Variants in ARL3 observed in about 807,000 individuals in gnomAD.
ARL3 encodes ARF like GTPase 3.
Under a neutral mutation model 26.0 loss-of-function variants are expected in ARL3, and 9 were observed. That is an observed-to-expected ratio of 0.35 (90% CI 0.21 to 0.60). The LOEUF (loss-of-function observed/expected upper bound fraction) is 0.60. Ranked by LOEUF, ARL3 falls within the 20% of genes least tolerant of loss-of-function variation. ARL3 has a pLI of 0.78. For synonymous variants in ARL3, 71 were observed against 78.4 expected, an observed-to-expected ratio of 0.91 and a Z score of 0.50; for missense variants, 158 against 215.7, an observed-to-expected ratio of 0.73 and a Z score of 1.67.
Position 102,676,873 on chromosome 10 carries a change from G to A in ARL3, c.*21C>T, listed in dbSNP as rs765711720. ...ACCGAATTCGGCTCCCGCAGCTCCT[G>A]CATCTCCATTCGTCTAGATTTTATT... is the stretch of plus-strand genomic sequence containing the variant. On this transcript the variant is annotated 3_prime_UTR_variant, in exon 6 of 6. Transcript: ENST00000260746. The A allele has an allele frequency of 6.2e-7, 1 of 1,613,356 alleles. No individual in the cohort carries two copies. Among genetic ancestry groups the A allele is most frequent in the East Asian group, 2.2e-5 (1 of 44,876 alleles).
intron 2 of ARL3, among the ~76,000 whole-genome samples, chr10:102,703,349 T>A (rs1465962469): frequency 2.7e-5 from 4 of 150,192 alleles, no homozygotes; most frequent in Non-Finnish European, 5.9e-5. Context: ...CTCCATGTCC[T>A]GACCTCATGA....
rs71019606 is a variant in ARL3, at chr10:102,714,289, C to CCCTCCT, written c.-20_-15dup. The CCCTCCT allele has an allele frequency of 1.8e-5, 23 of 1,309,166 alleles. No individual in the cohort carries two copies. The highest frequency in any genetic ancestry group is 2.1e-5 in the Non-Finnish European group (21 of 1,020,060). The allele number at this position is 1,309,166 out of a possible 1,614,324, so 81.1% of individuals were successfully genotyped here. A position where few individuals can be genotyped will look rare whatever the true frequency, so the allele number is the denominator to read the frequency against. The stretch of plus-strand genomic sequence containing the variant: ...CACACTCACCATCCTCCCGCCGAGT[C>CCCTCCT]CCTCCTCCTCCTCCTCCTCCTGCTG... On this transcript the variant is annotated 5_prime_UTR_variant, in exon 1 of 6. Coordinates refer to ENST00000260746, the MANE Select transcript of ARL3 (RefSeq NM_004311.4).
At chr10:102,699,556 T>G in intron 2 of ARL3, 67 bp from the exon 3 acceptor site, 7 of 847,722 alleles carry the variant, frequency 8.3e-6, no homozygotes, top group Non-Finnish European at 1.3e-5. Context: ...AAAGTTACAT[T>G]TAATAGCTAT....
At chr10:102,707,166 C>T (rs963758513) in intron 1 of ARL3, among the ~76,000 whole-genome samples, 1 of 151,896 alleles carries the variant, frequency 6.6e-6, no homozygotes, top group Non-Finnish European at 1.5e-5. Flanking sequence ...GGCATGGTGG[C>T]GCAGGCCTGT....
At chr10:102,686,571 T>A (rs2064188072) in intron 4 of ARL3, among the ~76,000 whole-genome samples, 1 of 150,568 alleles carries the variant, frequency 6.6e-6, no homozygotes, top group Non-Finnish European at 1.5e-5. Context: ...TTCAAGCAAT[T>A]CTCACCCCTC....
rs1446027165 is a variant in ARL3 at position 102,675,015 on chromosome 10, C to T, written c.*1879G>A. ...AGCAGGCATTTTGCCCCTCAGATAA[C>T]TTGTCCCTGCTGAACTATTCGGAAG... On this transcript the variant is annotated 3_prime_UTR_variant, in exon 6 of 6. Transcript: ENST00000260746. 1 of 152,224 alleles carries T rather than the reference C, an allele frequency of 6.6e-6. No individual in the cohort carries two copies. Among genetic ancestry groups the T allele is most frequent in the Non-Finnish European group, 1.5e-5 (1 of 68,050 alleles). 9.4% of individuals were successfully genotyped at this position (152,224 alleles called of 1,614,324 possible). A position where few individuals can be genotyped will look rare whatever the true frequency, so the allele number is the denominator to read the frequency against.
At position 102,711,198 on chromosome 10, in the gene ARL3, T is replaced by C. The variant is rs147536735; in HGVS notation, c.3+3075A>G. On this transcript the variant is annotated intron_variant, in intron 1 of 5. Coordinates refer to ENST00000260746, the MANE Select transcript of ARL3 (RefSeq NM_004311.4). ...CTCTCCTAAATAAATACAAACAATG[T>C]TTCCTAAGGAACAAAGTCTGAGCAT... Among the ~76,000 whole-genome samples the C allele has an allele frequency of 3.3e-5, 5 of 152,266 alleles. No homozygotes were observed. In the East Asian group the frequency reaches 9.6e-4, roughly 29 times the overall value.
At chr10:102,691,212 G>A (rs2064215524) in intron 3 of ARL3, among the ~76,000 whole-genome samples, 1 of 151,626 alleles carries the variant, frequency 6.6e-6, no homozygotes, top group South Asian at 2.1e-4. Flanking sequence ...ATGCTGGTGC[G>A]CTGCACCCAC....
intron 1 of ARL3, among the ~76,000 whole-genome samples, chr10:102,710,580 A>C (rs2064333276): frequency 6.6e-6 from 1 of 152,246 alleles, no homozygotes; most frequent in Non-Finnish European, 1.5e-5. Flanking sequence ...CCATTCACGC[A>C]ATTATCATTA....
intron 2 of ARL3, among the ~76,000 whole-genome samples, chr10:102,704,804 T>C (rs1212065480): frequency 6.6e-6 from 1 of 151,888 alleles, no homozygotes; most frequent in Non-Finnish European, 1.5e-5. Flanking sequence ...TGAGGACATG[T>C]GCGGGTGGGG....
Position 102,705,494 on chromosome 10 carries a change from AACAACC to A in ARL3, c.4-11_4-6del. ...GCGCAAAATTGAGAGCAAGCCCTTC[AACAACC>A]ACAAAGGAGACAGATTACTCTGGGG... On this transcript the variant is annotated splice_polypyrimidine_tract_variant and splice_region_variant and intron_variant, in intron 1 of 5. Coordinates refer to ENST00000260746, the MANE Select transcript of ARL3 (RefSeq NM_004311.4). 6.3e-7 allele frequency: 1 copy of A among 1,583,216 alleles called. No homozygotes were observed. Among genetic ancestry groups the A allele is most frequent in the Non-Finnish European group, 8.6e-7 (1 of 1,156,118 alleles).
In ARL3 at chr10:102,694,990, A is replaced by G. The variant is rs544066449; in HGVS notation, c.264+4383T>C. Among the ~76,000 whole-genome samples, 9 of 152,324 alleles carry G rather than the reference A, an allele frequency of 5.9e-5. No individual in the cohort carries two copies. The East Asian group carries it at 1.7e-3, about 29-fold the overall frequency. ...TGCCTCAGCCTCCCAAAGTGTTGGG[A>G]GTGCGGGCGTGAGCCACTGCGCCCG... On this transcript the variant is annotated intron_variant, in intron 3 of 5. Transcript: ENST00000260746.
intron 5 of ARL3, 83 bp downstream of exon 5, chr10:102,685,733 A>G: frequency 7.0e-7 from 1 of 1,419,954 alleles, no homozygotes. Flanking sequence ...TCATCTGCCC[A>G]TCAAGATCAG....
intron 2 of ARL3, among the ~76,000 whole-genome samples, chr10:102,703,685 C>T (rs1356235942): frequency 5.9e-5 from 9 of 151,428 alleles, no homozygotes; most frequent in African/African-American, 1.9e-4. Flanking sequence ...CCTTGTGATC[C>T]GCCCACCTCG....
At chr10:102,694,010 T>C (rs892293353) in intron 3 of ARL3, among the ~76,000 whole-genome samples, 1 of 152,076 alleles carries the variant, frequency 6.6e-6, no homozygotes, top group South Asian at 2.1e-4. Context: ...TTTTTTGAGA[T>C]GGATTCTTGC....
intron 5 of ARL3, among the ~76,000 whole-genome samples, chr10:102,685,467 T>C (rs2064178636): frequency 6.6e-6 from 1 of 152,084 alleles, no homozygotes; most frequent in Non-Finnish European, 1.5e-5. Context: ...TTGGTGGCTA[T>C]CACCTTGGAA....
At chr10:102,692,900 G>A (rs1243206729) in intron 3 of ARL3, among the ~76,000 whole-genome samples, 11 of 152,130 alleles carry the variant, frequency 7.2e-5, no homozygotes, top group Non-Finnish European at 1.6e-4. Context: ...GTTTCACCGT[G>A]TTAGCCAGGA....
chr10:102,695,532 T>G (rs1487352573), intron 3 of ARL3, among the ~76,000 whole-genome samples: 1 of 152,232 alleles, frequency 6.6e-6, no homozygotes, highest in Non-Finnish European at 1.5e-5. Context: ...AAATTTTTTT[T>G]TTGTTTTTGA....
Position 102,714,264 on chromosome 10 carries a change from C to T in ARL3, c.3+9G>A, listed in dbSNP as rs770537187. On this transcript the variant is annotated intron_variant, in intron 1 of 5. Transcript: ENST00000260746. ...CCGGCTCCAAGGGGGCCCAGGCCCC[C>T]ACACTCACCATCCTCCCGCCGAGTC... 3.0e-6 allele frequency: 4 copies of T among 1,313,844 alleles called. No homozygotes were observed. In the East Asian group the frequency reaches 8.4e-5, roughly 28 times the overall value. 81.4% of individuals were successfully genotyped at this position (1,313,844 alleles called of 1,614,324 possible). A position where few individuals can be genotyped will look rare whatever the true frequency, so the allele number is the denominator to read the frequency against.
Sources: allele counts gnomAD v4.1 joint callset (sites outside exome capture counted in the v4.1 genomes callset), GRCh38; gene constraint gnomAD v4.1.1; transcripts MANE v1.5; gene names NCBI Gene and HGNC (gene_info 2026-07-23, HGNC 2026-07-21).